Variants in QTRT2 observed in about 807,000 individuals in gnomAD.
QTRT2 encodes queuine tRNA-ribosyltransferase accessory subunit 2.
A neutral mutation model predicts 44.8 loss-of-function variants in QTRT2; 32 were observed. The observed-to-expected ratio is 0.71, with a 90% CI of 0.54 to 0.96. The LOEUF is 0.96. Ranked by LOEUF, QTRT2 falls within the 40% of genes least tolerant of loss-of-function variation. The pLI, the probability that QTRT2 is intolerant of heterozygous loss-of-function variation, is 0.00. For missense variants in QTRT2, 461 were observed against 503.1 expected, an observed-to-expected ratio of 0.92 and a Z score of 0.80; for synonymous variants, 182 against 187.4, an observed-to-expected ratio of 0.97 and a Z score of 0.24.
chr3:114,057,141 C>G, intron 2 of QTRT2, 35 bp downstream of exon 2: 1 of 1,173,800 alleles, frequency 8.5e-7, no homozygotes, highest in Non-Finnish European at 1.1e-6. Flanking sequence ...TCCGAACTGC[C>G]CATGGGAGGG....
At chr3:114,085,450 C>T (rs527501310) in intron 9 of QTRT2, among the ~76,000 whole-genome samples, 3 of 152,332 alleles carry the variant, frequency 2.0e-5, no homozygotes, top group Non-Finnish European at 4.4e-5. Context: ...TCGTGATCCG[C>T]CTGCCCCGGC....
At chr3:114,077,711 CTTTTTTTTTT>C (rs748709745) in intron 7 of QTRT2, 2 of 127,702 alleles carry the variant, frequency 1.6e-5, no homozygotes, top group African/African-American at 5.7e-5. Flanking sequence ...AATTTTACTA[CTTTTTTTTTT>C]TTTTTTTTTG....
intron 2 of QTRT2, among the ~76,000 whole-genome samples, chr3:114,060,949 A>G (rs937728349): frequency 1.3e-5 from 2 of 152,210 alleles, no homozygotes; most frequent in African/African-American, 2.4e-5. Context: ...GGGCAAAGGG[A>G]TGATTCACGT....
intron 8 of QTRT2, among the ~76,000 whole-genome samples, chr3:114,081,055 T>C (rs1358893684): frequency 6.6e-6 from 1 of 152,194 alleles, no homozygotes; most frequent in Non-Finnish European, 1.5e-5. Flanking sequence ...ACAAACTGAA[T>C]TATTTCCACC....
At position 114,081,079 on chromosome 3, in the gene QTRT2, C is replaced by T. The variant is rs113926882; in HGVS notation, c.898+1022C>T. Among the ~76,000 whole-genome samples, 1,245 of 152,306 alleles carry T rather than the reference C, an allele frequency of 8.2e-3. 14 individuals carry two copies. The highest frequency in any genetic ancestry group is 0.028 in the African/African-American group (1,181 of 41,564). On this transcript the variant is annotated intron_variant, in intron 8 of 9. Coordinates refer to ENST00000281273, the MANE Select transcript of QTRT2 (RefSeq NM_024638.4). ...ATTATTTCCACCAGAACAGAGGTAA[C>T]TGTTAGTCATTCAGTACCAGGAATA... is the stretch of plus-strand genomic sequence containing the variant.
intron 5 of QTRT2, among the ~76,000 whole-genome samples, chr3:114,069,974 A>G (rs1193288607): frequency 6.6e-6 from 1 of 152,232 alleles, no homozygotes; most frequent in African/African-American, 2.4e-5. Context: ...CAAATAAAGA[A>G]TGGTGTAATA....
At position 114,057,357 on chromosome 3, in the gene QTRT2, C is replaced by T. The variant is rs186643570; in HGVS notation, c.-22+251C>T. 1,524 of 153,694 alleles carry T rather than the reference C, an allele frequency of 9.9e-3. 41 individuals are homozygous for T. The highest frequency in any genetic ancestry group is 0.014 in the Non-Finnish European group (969 of 69,088). 9.5% of individuals were successfully genotyped at this position (153,694 alleles called of 1,614,324 possible). A position where few individuals can be genotyped will look rare whatever the true frequency, so the allele number is the denominator to read the frequency against. ...ATTCAACTACTTTGTGGCTATATGA[C>T]CCTAGGCAACTTGTTTAATAACTCA... On this transcript the variant is annotated intron_variant, in intron 2 of 9. Transcript: ENST00000281273.
intron 9 of QTRT2, among the ~76,000 whole-genome samples, chr3:114,084,556 CAGCCTGG>C (rs2077211602): frequency 6.6e-6 from 1 of 152,116 alleles, no homozygotes; most frequent in African/African-American, 2.4e-5. Flanking sequence ...CACTGCACTC[CAGCCTGG>C]GTGATAGAAC....
rs771619255 is a variant in QTRT2 at position 114,076,738 on chromosome 3, C to T, written c.547-5C>T. 4 of 1,613,634 alleles carry T rather than the reference C, an allele frequency of 2.5e-6. No individual in the cohort carries two copies. The highest frequency in any genetic ancestry group is 3.4e-6 in the Non-Finnish European group (4 of 1,179,566). On this transcript the variant is annotated splice_polypyrimidine_tract_variant and splice_region_variant and intron_variant, in intron 6 of 9. Coordinates refer to ENST00000281273, the MANE Select transcript of QTRT2 (RefSeq NM_024638.4). ...GTTAAAAACATATCATCCTTCTTAC[C>T]TCAGGTTCTTCAGAAGAGTGTGATC...
Position 114,065,394 on chromosome 3 carries a change from C to T in QTRT2, c.137C>T (p.Thr46Ile). 3 of 1,614,180 alleles carry T rather than the reference C, an allele frequency of 1.9e-6. No individual in the cohort carries two copies. The highest frequency in any genetic ancestry group is 2.5e-6 in the Non-Finnish European group (3 of 1,180,022). Residue 46 changes from threonine (T) to isoleucine (I), a missense_variant, in exon 3 of 10, where the codon ACC (threonine) becomes ATC (isoleucine). Thr to Ile is a moderately conservative substitution (Grantham distance 89). Coordinates refer to ENST00000281273, the MANE Select transcript of QTRT2 (RefSeq NM_024638.4). ...YTKTGSAPHL[T>I]HHTLHNIHGV... is the part of the protein sequence containing the mutation. ...AAGACTGGCTCCGCCCCACACCTCA[C>T]CCATCACACGCTGCATAATATCCAC...
At chr3:114,059,121 G>C (rs1247082956) in intron 2 of QTRT2, among the ~76,000 whole-genome samples, 2 of 152,212 alleles carry the variant, frequency 1.3e-5, no homozygotes, top group East Asian at 3.9e-4. Flanking sequence ...GAGTGGAGGT[G>C]GTGGGTCGCA....
At chr3:114,077,751 T>G (rs1016787961) in intron 7 of QTRT2, 11 of 151,422 alleles carry the variant, frequency 7.3e-5, no homozygotes, top group Admixed American at 4.0e-4. Context: ...TTTGCTCTTG[T>G]TGCCCAGGCT....
In QTRT2 at chr3:114,065,516, G is replaced by C. The variant is rs576113411; in HGVS notation, c.200+59G>C. ...TGTGGCAGCAGCTTAGTTACCTTAG[G>C]TGCAAAAAAGAGAAATATTTTTTTT... On this transcript the variant is annotated intron_variant, in intron 3 of 9. Coordinates refer to ENST00000281273, the MANE Select transcript of QTRT2 (RefSeq NM_024638.4). 1.9e-5 allele frequency: 24 copies of C among 1,271,572 alleles called. No homozygotes were observed. In the African/African-American group the frequency reaches 3.5e-4, roughly 18 times the overall value. 78.8% of individuals were successfully genotyped at this position (1,271,572 alleles called of 1,614,324 possible).
chr3:114,058,689 C>T (rs1303121434), intron 2 of QTRT2, among the ~76,000 whole-genome samples: 2 of 152,300 alleles, frequency 1.3e-5, no homozygotes, highest in East Asian at 3.9e-4. Flanking sequence ...TGTGCTGCTA[C>T]ACCTGGCTGA....
At chr3:114,072,235 A>G (rs1296558016) in intron 6 of QTRT2, among the ~76,000 whole-genome samples, 1 of 151,872 alleles carries the variant, frequency 6.6e-6, no homozygotes, top group East Asian at 1.9e-4. Context: ...GCTCACTGCA[A>G]CCTCCAACTC....
rs1357683409 is a variant in QTRT2, at chr3:114,088,364, C to G, written c.*2460C>G. 1 of 152,058 alleles carries G rather than the reference C, an allele frequency of 6.6e-6. No homozygotes were observed. The highest frequency in any genetic ancestry group is 1.5e-5 in the Non-Finnish European group (1 of 68,012). 9.4% of individuals were successfully genotyped at this position (152,058 alleles called of 1,614,324 possible). A position where few individuals can be genotyped will look rare whatever the true frequency, so the allele number is the denominator to read the frequency against. On this transcript the variant is annotated 3_prime_UTR_variant, in exon 10 of 10. Transcript: ENST00000281273. The stretch of plus-strand genomic sequence containing the variant: ...AATTTTAAAAATTTACTGTGTTTGG[C>G]TTTCTGTAAATGTAGTAGGTCTGTT...
At chr3:114,073,713 C>T (rs1199357401) in intron 6 of QTRT2, among the ~76,000 whole-genome samples, 3 of 151,898 alleles carry the variant, frequency 2.0e-5, no homozygotes, top group African/African-American at 7.3e-5. Flanking sequence ...AACGTGTAGT[C>T]CCTCTCCATA....
chr3:114,060,868 C>T (rs556811129), intron 2 of QTRT2, among the ~76,000 whole-genome samples: 39 of 152,186 alleles, frequency 2.6e-4, no homozygotes, highest in Non-Finnish European at 4.6e-4. Flanking sequence ...AATACAGTGA[C>T]GGTTGATCTG....
chr3:114,072,654 T>C (rs1238512026), intron 6 of QTRT2, among the ~76,000 whole-genome samples: 3 of 152,230 alleles, frequency 2.0e-5, no homozygotes, highest in Non-Finnish European at 4.4e-5. Flanking sequence ...CACTGGTTCC[T>C]CTTATTCTGA....
Sources: gnomAD v4.1 joint callset for allele counts (sites outside exome capture counted in the v4.1 genomes callset) on GRCh38, gnomAD v4.1.1 for gene constraint, MANE v1.5 for transcripts, NCBI Gene and HGNC (gene_info 2026-07-23, HGNC 2026-07-21) for gene names.